Variants in DPP10 observed in about 807,000 individuals in gnomAD.
DPP10 encodes the protein dipeptidyl peptidase like 10.
A neutral mutation model predicts 120.9 loss-of-function variants in DPP10; 33 were observed. The ratio of observed to expected loss-of-function variants is 0.27; its 90% CI spans 0.21 to 0.37. The LOEUF (loss-of-function observed/expected upper bound fraction) is 0.37, where lower values mean the gene tolerates loss of function less well. Ranked by LOEUF, DPP10 falls within the 10% of genes least tolerant of loss-of-function variation. The pLI is 1.00. For synonymous variants in DPP10, 337 were observed against 326.1 expected (o/e 1.03, Z -0.36); for missense variants, 816 against 942.8 (o/e 0.87, Z 1.76).
At chr2:115,489,215 CAATA>C (rs1347331913) in intron 3 of DPP10, among the ~76,000 whole-genome samples, 1 of 151,940 alleles carries the variant, frequency 6.6e-6, no homozygotes, top group South Asian at 2.1e-4. Context: ...CAGCCATGAG[CAATA>C]AATAGATGTA....
chr2:115,434,757 A>G (rs992521305), intron 3 of DPP10, among the ~76,000 whole-genome samples: 31 of 151,672 alleles, frequency 2.0e-4, no homozygotes, highest in Admixed American at 1.3e-3. Flanking sequence ...CACCTACTAT[A>G]CTGTCAATCA....
intron 1 of DPP10, among the ~76,000 whole-genome samples, chr2:115,277,458 T>C (rs2059966712): frequency 7.1e-6 from 1 of 141,738 alleles, no homozygotes; most frequent in African/African-American, 2.6e-5. Context: ...TTTTTTTTTT[T>C]TTTTTTTTTT....
chr2:115,184,117 C>G (rs963437271), intron 1 of DPP10, among the ~76,000 whole-genome samples: 2 of 152,120 alleles, frequency 1.3e-5, no homozygotes, highest in Admixed American at 1.3e-4. Context: ...TAAACAATTG[C>G]AAGAAAGTCA....
chr2:115,490,355 C>G (rs1340826453), intron 3 of DPP10, among the ~76,000 whole-genome samples: 2 of 152,118 alleles, frequency 1.3e-5, no homozygotes, highest in Non-Finnish European at 2.9e-5. Context: ...TGTGAGAACT[C>G]ACTCGCTATC....
At chr2:114,519,202 GTT>G (rs1284713124) in intron 1 of DPP10, among the ~76,000 whole-genome samples, 4 of 152,190 alleles carry the variant, frequency 2.6e-5, no homozygotes, top group Non-Finnish European at 4.4e-5. Flanking sequence ...CTGACAGACA[GTT>G]TAGCTACCTT....
intron 4 of DPP10, among the ~76,000 whole-genome samples, chr2:115,525,488 A>G (rs1283039678): frequency 2.0e-5 from 3 of 152,120 alleles, no homozygotes; most frequent in African/African-American, 7.2e-5. Flanking sequence ...TTCAACCAGT[A>G]AGAATACAAA....
At chr2:115,596,602 G>A (rs2083003873) in intron 5 of DPP10, among the ~76,000 whole-genome samples, 1 of 152,042 alleles carries the variant, frequency 6.6e-6, no homozygotes, top group South Asian at 2.1e-4. Context: ...TTATTAGCTA[G>A]GCAACCCCAA....
At chr2:114,925,819 G>A (rs1216363903) in intron 1 of DPP10, among the ~76,000 whole-genome samples, 1 of 152,168 alleles carries the variant, frequency 6.6e-6, no homozygotes, top group Admixed American at 6.5e-5. Flanking sequence ...GTCCTCACAT[G>A]TGCCGCTAAA....
At chr2:115,064,317 G>C (rs1284231525) in intron 1 of DPP10, among the ~76,000 whole-genome samples, 2 of 152,160 alleles carry the variant, frequency 1.3e-5, no homozygotes, top group African/African-American at 2.4e-5. Flanking sequence ...ATCCCAGGGA[G>C]AAGTAGTGAG....
At chr2:115,833,419 A>G (rs537664976) in intron 21 of DPP10, among the ~76,000 whole-genome samples, 2 of 152,094 alleles carry the variant, frequency 1.3e-5, no homozygotes, top group Non-Finnish European at 2.9e-5. Context: ...TGGCTGCAAC[A>G]CCCTTCGCCC....
At chr2:115,286,526 A>ATAAC (rs10675008) in intron 1 of DPP10, among the ~76,000 whole-genome samples, 1 of 60,946 alleles carries the variant, frequency 1.6e-5, no homozygotes, top group Admixed American at 2.2e-4. Context: ...ATATATATAT[A>ATAAC]ATATATATAT....
At chr2:115,585,756 T>A (rs1234230818) in intron 5 of DPP10, among the ~76,000 whole-genome samples, 1 of 152,196 alleles carries the variant, frequency 6.6e-6, no homozygotes, top group Non-Finnish European at 1.5e-5. Flanking sequence ...TGATTTTTTT[T>A]AACATAAGCA....
chr2:115,758,367 C>T (rs1212982701), intron 11 of DPP10, among the ~76,000 whole-genome samples: 1 of 151,964 alleles, frequency 6.6e-6, no homozygotes, highest in Non-Finnish European at 1.5e-5. Flanking sequence ...ACCCTTAAAA[C>T]TTTAAATACA....
intron 5 of DPP10, among the ~76,000 whole-genome samples, chr2:115,553,017 C>G (rs1471883544): frequency 1.3e-5 from 2 of 152,062 alleles, no homozygotes; most frequent in Non-Finnish European, 2.9e-5. Flanking sequence ...GTGGAGGACT[C>G]AGACAAAAAC....
chr2:115,063,166 T>C lies in DPP10; in HGVS notation c.61-246073T>C, dbSNP rs972768507. ...ATGATGTTGAGCTTTTCTTCATATGTTTGTTGGCTGTGTAAATGTCTTCTT... is the reference window on the plus strand; with the variant it reads ...ATGATGTTGAGCTTTTCTTCATATGCTTGTTGGCTGTGTAAATGTCTTCTT... On this transcript the variant is annotated intron_variant, in intron 1 of 25. Transcript: ENST00000410059. 4.6e-5 allele frequency among the ~76,000 whole-genome samples: 7 copies of C among 152,326 alleles called. No individual in the cohort carries two copies. The South Asian group carries it at 6.2e-4, about 14-fold the overall frequency.
intron 1 of DPP10, among the ~76,000 whole-genome samples, chr2:114,928,356 G>A (rs955673986): frequency 3.3e-5 from 5 of 152,288 alleles, no homozygotes; most frequent in South Asian, 2.1e-4. Context: ...AAGAGGGAGA[G>A]ATGAGCCAAA....
chr2:115,389,035 A>G (rs1323170891), intron 3 of DPP10, among the ~76,000 whole-genome samples: 1 of 152,154 alleles, frequency 6.6e-6, no homozygotes, highest in Non-Finnish European at 1.5e-5. Flanking sequence ...TAACTTCTCC[A>G]ACTTTCCTTT....
chr2:115,104,863 G>A (rs909865732), intron 1 of DPP10, among the ~76,000 whole-genome samples: 9 of 151,912 alleles, frequency 5.9e-5, no homozygotes, highest in East Asian at 3.9e-4. Context: ...AAAATTAGCC[G>A]GGCGTGGAGG....
intron 1 of DPP10, among the ~76,000 whole-genome samples, chr2:115,291,923 T>C (rs2060672234): frequency 6.6e-6 from 1 of 152,254 alleles, no homozygotes; most frequent in South Asian, 2.1e-4. Flanking sequence ...CCTAGGAAAA[T>C]TGATTGCCTT....
Sources: gnomAD v4.1 joint callset for allele counts (sites outside exome capture counted in the v4.1 genomes callset) on GRCh38, gnomAD v4.1.1 for gene constraint, MANE v1.5 for transcripts, NCBI Gene and HGNC (gene_info 2026-07-23, HGNC 2026-07-21) for gene names.